Variants in CLEC16A observed in about 807,000 individuals in gnomAD.
CLEC16A encodes protein CLEC16A.
A neutral mutation model predicts 109.5 loss-of-function variants in CLEC16A; 51 were observed. The ratio of observed to expected loss-of-function variants is 0.47; its 90% CI spans 0.37 to 0.59. The LOEUF (loss-of-function observed/expected upper bound fraction) is 0.59, where lower values mean the gene tolerates loss of function less well. Ranked by LOEUF, CLEC16A falls within the 20% of genes least tolerant of loss-of-function variation. The pLI is 0.00. For missense variants in CLEC16A, 1,339 were observed against 1,394.0 expected, an observed-to-expected ratio of 0.96 and a Z score of 0.63; for synonymous variants, 673 against 564.2, an observed-to-expected ratio of 1.19 and a Z score of -2.73.
chr16:11,073,601 C>G (rs7198621), intron 19 of CLEC16A, among the ~76,000 whole-genome samples: 61,176 of 152,060 alleles, frequency 0.4, 13,478 homozygotes, highest in African/African-American at 0.6. Context: ...CTCCTCTTCT[C>G]CCATATGTCT....
At chr16:11,092,890 T>C (rs1157011424) in intron 19 of CLEC16A, among the ~76,000 whole-genome samples, 1 of 152,216 alleles carries the variant, frequency 6.6e-6, no homozygotes, top group Admixed American at 6.5e-5. Context: ...GAATCCCCAA[T>C]GCATGGTGAC....
chr16:11,039,695 G>C, intron 13 of CLEC16A, 59 bp from the exon 14 acceptor site: 1 of 1,542,188 alleles, frequency 6.5e-7, no homozygotes, highest in Non-Finnish European at 8.8e-7. Context: ...AGGACCTTTC[G>C]GTATGAGGAG....
chr16:11,067,442 C>T (rs1011639142), intron 19 of CLEC16A, among the ~76,000 whole-genome samples: 4 of 151,516 alleles, frequency 2.6e-5, no homozygotes, highest in Non-Finnish European at 5.9e-5. Flanking sequence ...CGAGAAGTGG[C>T]GCAGAAGAAG....
At chr16:11,173,750 G>A (rs967308460) in intron 23 of CLEC16A, among the ~76,000 whole-genome samples, 6 of 152,074 alleles carry the variant, frequency 3.9e-5, no homozygotes, top group East Asian at 3.9e-4. Context: ...CCGGGTTTTC[G>A]TGTCCTGACT....
At chr16:11,162,320 C>A (rs781319393) in intron 22 of CLEC16A, among the ~76,000 whole-genome samples, 1 of 152,166 alleles carries the variant, frequency 6.6e-6, no homozygotes, top group Non-Finnish European at 1.5e-5. Context: ...TTGGTGAGTC[C>A]AGGGGAGAGA....
intron 17 of CLEC16A, among the ~76,000 whole-genome samples, chr16:11,049,099 T>C (rs2047791383): frequency 6.6e-6 from 1 of 151,878 alleles, no homozygotes. Flanking sequence ...CCTCTGCCTC[T>C]TGGGTTCAAG....
Position 11,178,934 on chromosome 16 carries a change from A to T in CLEC16A, c.*244A>T, listed in dbSNP as rs2068873993. 2.2e-6 allele frequency: 1 copy of T among 451,570 alleles called. No individual in the cohort carries two copies. Among genetic ancestry groups the T allele is most frequent in the Non-Finnish European group, 3.9e-6 (1 of 257,250 alleles). 28.0% of individuals were successfully genotyped at this position (451,570 alleles called of 1,614,324 possible). A position where few individuals can be genotyped will look rare whatever the true frequency, so the allele number is the denominator to read the frequency against. ...GGAGACACCGCGGCGAATGCAGATG[A>T]CTGCACCGGCCACTCAGGGAGCTGC... On this transcript the variant is annotated 3_prime_UTR_variant, in exon 24 of 24. Coordinates refer to ENST00000409790, the MANE Select transcript of CLEC16A (RefSeq NM_015226.3). This position sits in a 1 kb window ranked among gnomAD's most constrained non-coding sequence, Gnocchi z 6.5.
At chr16:11,093,791 T>C (rs918671547) in intron 19 of CLEC16A, among the ~76,000 whole-genome samples, 1 of 152,140 alleles carries the variant, frequency 6.6e-6, no homozygotes, top group African/African-American at 2.4e-5. Flanking sequence ...GAAAGTGGGC[T>C]GGGAGCAGCT....
chr16:11,170,767 G>A (rs1037729797), intron 23 of CLEC16A, among the ~76,000 whole-genome samples: 5 of 152,204 alleles, frequency 3.3e-5, no homozygotes, highest in African/African-American at 1.2e-4. Context: ...GATACAATGT[G>A]GCAAAAAGCA....
chr16:10,961,465 C>A lies in CLEC16A; in HGVS notation c.210-990C>A, dbSNP rs190929447. Among the ~76,000 whole-genome samples, 68 of 152,276 alleles carry A rather than the reference C, an allele frequency of 4.5e-4. No homozygotes were observed. The highest frequency in any genetic ancestry group is 1.3e-3 in the African/African-American group (56 of 41,554). Reference sequence around the variant, plus strand: ...CCAAGTGTCCCAGATGCAAGATTATCTGGTGTTAGCTTGAGTACAGAGAAC... The same window carrying A: ...CCAAGTGTCCCAGATGCAAGATTATATGGTGTTAGCTTGAGTACAGAGAAC... On this transcript the variant is annotated intron_variant, in intron 2 of 23. Transcript: ENST00000409790. The surrounding 1 kb of genome is among the most constrained non-coding windows in gnomAD (Gnocchi z 4.3).
chr16:11,160,843 G>A (rs543945634), intron 22 of CLEC16A, among the ~76,000 whole-genome samples: 8 of 152,264 alleles, frequency 5.3e-5, no homozygotes, highest in Admixed American at 2.0e-4. Flanking sequence ...TCATAGCTCA[G>A]GGCAGCTGCT....
intron 22 of CLEC16A, among the ~76,000 whole-genome samples, chr16:11,139,338 T>C (rs145379354): frequency 2.6e-4 from 40 of 152,352 alleles, no homozygotes; most frequent in African/African-American, 8.9e-4. Flanking sequence ...TCTACACTTC[T>C]TTTCTCTCTA....
intron 23 of CLEC16A, among the ~76,000 whole-genome samples, chr16:11,171,763 C>T: frequency 6.6e-6 from 1 of 152,254 alleles, no homozygotes. Flanking sequence ...CACACAGTGA[C>T]ACTTCTGCAT....
At chr16:11,166,582 G>A in intron 23 of CLEC16A, 30 bp downstream of exon 23, 2 of 1,539,934 alleles carry the variant, frequency 1.3e-6, no homozygotes, top group Non-Finnish European at 1.8e-6. Context: ...GTGATATGGG[G>A]ACATTTGGAG....
intron 13 of CLEC16A, among the ~76,000 whole-genome samples, chr16:11,031,212 G>T (rs1481145739): frequency 2.0e-5 from 3 of 152,188 alleles, no homozygotes; most frequent in Non-Finnish European, 4.4e-5. Flanking sequence ...CAGCTATGTG[G>T]CACGTCCCCA....
chr16:11,177,507 C>G (rs904493283), intron 23 of CLEC16A, among the ~76,000 whole-genome samples: 2 of 151,022 alleles, frequency 1.3e-5, no homozygotes, highest in Non-Finnish European at 2.9e-5. Flanking sequence ...GGCTGAGGCA[C>G]GAGAATCACT....
chr16:11,103,164 C>T (rs1356330119), intron 19 of CLEC16A, among the ~76,000 whole-genome samples: 1 of 152,212 alleles, frequency 6.6e-6, no homozygotes, highest in Non-Finnish European at 1.5e-5. Context: ...AGTGCTGGGC[C>T]CACAAGGGTC....
intron 22 of CLEC16A, among the ~76,000 whole-genome samples, chr16:11,160,165 T>C (rs1021791662): frequency 4.6e-5 from 7 of 152,056 alleles, no homozygotes; most frequent in African/African-American, 1.7e-4. Flanking sequence ...ATGGCCAGTA[T>C]CCTCAGAGTA....
chr16:11,043,245 C>T (rs1014758729), intron 15 of CLEC16A, among the ~76,000 whole-genome samples: 1 of 151,868 alleles, frequency 6.6e-6, no homozygotes, highest in Non-Finnish European at 1.5e-5. Flanking sequence ...ATAGTGAGAC[C>T]CTATCTCTAA....
Sources: gnomAD v4.1 joint callset for allele counts (sites outside exome capture counted in the v4.1 genomes callset) on GRCh38, gnomAD v4.1.1 for gene constraint, Gnocchi (gnomAD v3.1) non-coding constraint, MANE v1.5 for transcripts, NCBI Gene and HGNC (gene_info 2026-07-23, HGNC 2026-07-21) for gene names.